Variants in PLCL1 observed in about 807,000 individuals in gnomAD.
PLCL1 encodes the protein inactive phospholipase C-like protein 1.
PLCL1 carries 41 observed loss-of-function variants against 84.4 expected under a neutral mutation model. The observed-to-expected ratio is 0.49, with a 90% CI of 0.38 to 0.63. PLCL1 has a LOEUF of 0.63. Among genes scored for constraint, PLCL1 ranks in the 30% least tolerant of loss-of-function variants. The pLI is 0.00. For missense variants in PLCL1, 1,206 were observed against 1,367.8 expected (o/e 0.88, Z 1.87); for synonymous variants, 490 against 488.3 (o/e 1.00, Z -0.05).
Position 198,085,630 on chromosome 2 carries a change from T to G in PLCL1, c.2113T>G (p.Ser705Ala). Residue 705 changes from serine to alanine, a missense_variant, in exon 2 of 6, where the codon TCT (serine) becomes GCT (alanine). Transcript: ENST00000428675. This position sits in a 1 kb window ranked among gnomAD's most constrained non-coding sequence, Gnocchi z 5.3. ...GCCGTCTATAATGCGAGATGAAGTTTCTTACTTCAGCGCAAATACAAAGGG... is the reference window on the plus strand; with the variant it reads ...GCCGTCTATAATGCGAGATGAAGTTGCTTACTTCAGCGCAAATACAAAGGG... ...LRPSIMRDEV[S>A]YFSANTKGIL... 1.2e-6 allele frequency: 2 copies of G among 1,613,856 alleles called. No homozygotes were observed. The highest frequency in any genetic ancestry group is 1.7e-6 in the Non-Finnish European group (2 of 1,179,736).
intron 1 of PLCL1, among the ~76,000 whole-genome samples, chr2:197,842,152 C>A (rs1449010758): frequency 6.6e-6 from 1 of 152,070 alleles, no homozygotes; most frequent in African/African-American, 2.4e-5. Context: ...TTTTCTTTAT[C>A]ATTCCTCCTA....
chr2:197,920,860 A>T (rs1688687196), intron 1 of PLCL1, among the ~76,000 whole-genome samples: 1 of 152,262 alleles, frequency 6.6e-6, no homozygotes, highest in Non-Finnish European at 1.5e-5. Context: ...ATTTATGAGC[A>T]AGTTAATTTC....
At chr2:197,858,055 G>A (rs1438728623) in intron 1 of PLCL1, among the ~76,000 whole-genome samples, 1 of 152,162 alleles carries the variant, frequency 6.6e-6, no homozygotes, top group Non-Finnish European at 1.5e-5. Flanking sequence ...ACTTAGATAG[G>A]TTTTGCAGTG....
intron 1 of PLCL1, among the ~76,000 whole-genome samples, chr2:197,839,883 A>G (rs912197873): frequency 2.0e-5 from 3 of 152,108 alleles, no homozygotes; most frequent in Non-Finnish European, 4.4e-5. Flanking sequence ...CTTCCTTTTC[A>G]TTTCTTTTGT....
intron 5 of PLCL1, among the ~76,000 whole-genome samples, chr2:198,127,927 C>T (rs111692049): frequency 2.0e-5 from 3 of 151,758 alleles, no homozygotes; most frequent in African/African-American, 7.3e-5. Context: ...GATTTACTTA[C>T]ATATAAATTT....
At chr2:198,043,654 T>C (rs1270037356) in intron 1 of PLCL1, among the ~76,000 whole-genome samples, 3 of 152,104 alleles carry the variant, frequency 2.0e-5, no homozygotes, top group Non-Finnish European at 2.9e-5. Flanking sequence ...TCTAGAACAA[T>C]GCTCCTGGAG....
intron 1 of PLCL1, among the ~76,000 whole-genome samples, chr2:197,852,471 A>G (rs1422342550): frequency 6.6e-6 from 1 of 152,234 alleles, no homozygotes; most frequent in African/African-American, 2.4e-5. Flanking sequence ...GGAAGCACTT[A>G]ATATGCTCAT....
intron 1 of PLCL1, among the ~76,000 whole-genome samples, chr2:197,897,355 G>C (rs1407071525): frequency 6.6e-6 from 1 of 151,786 alleles, no homozygotes; most frequent in African/African-American, 2.4e-5. Context: ...TAATGAATTT[G>C]CATTATTGTA....
intron 1 of PLCL1, among the ~76,000 whole-genome samples, chr2:198,009,499 G>A (rs573673635): frequency 2.6e-5 from 4 of 152,042 alleles, no homozygotes; most frequent in African/African-American, 9.6e-5. Flanking sequence ...GGTCATATAT[G>A]CAGTGGTTTA....
chr2:198,084,653 A>G lies in PLCL1; in HGVS notation c.1136A>G (p.Gln379Arg), dbSNP rs766846507. Residue 379 changes from glutamine (Q) to arginine (R), a missense_variant, in exon 2 of 6, where the codon CAG (glutamine) becomes CGG (arginine). By Grantham distance (43) the Gln-to-Arg change is conservative. Coordinates refer to ENST00000428675, the MANE Select transcript of PLCL1 (RefSeq NM_006226.4). ...KGFLAIDGFT[Q>R]YLLSSECDIF... Reference sequence around the variant, plus strand: ...TTTCTTGCAATTGATGGCTTTACCCAGTATTTATTGTCATCAGAATGTGAC... The same window carrying G: ...TTTCTTGCAATTGATGGCTTTACCCGGTATTTATTGTCATCAGAATGTGAC... 3.7e-6 allele frequency: 6 copies of G among 1,613,938 alleles called. No individual in the cohort carries two copies. The East Asian group carries it at 8.9e-5, about 24-fold the overall frequency.
chr2:197,940,050 A>C (rs1689128208), intron 1 of PLCL1, among the ~76,000 whole-genome samples: 1 of 152,272 alleles, frequency 6.6e-6, no homozygotes, highest in South Asian at 2.1e-4. Context: ...TCACTGCACT[A>C]ATATGTGTTT....
At chr2:197,881,134 A>C (rs1390600821) in intron 1 of PLCL1, among the ~76,000 whole-genome samples, 4 of 152,118 alleles carry the variant, frequency 2.6e-5, no homozygotes, top group Admixed American at 2.6e-4. Flanking sequence ...CTCCTAACAC[A>C]GTTCTTGGCA....
chr2:197,930,671 C>A (rs984830151), intron 1 of PLCL1, among the ~76,000 whole-genome samples: 2 of 152,066 alleles, frequency 1.3e-5, no homozygotes, highest in African/African-American at 2.4e-5. Flanking sequence ...GCCTTCTGAG[C>A]TGCAACACAC....
intron 1 of PLCL1, among the ~76,000 whole-genome samples, chr2:197,824,508 C>T (rs1435081085): frequency 6.6e-6 from 1 of 151,782 alleles, no homozygotes; most frequent in African/African-American, 2.4e-5. Flanking sequence ...TAGCCCAGGA[C>T]CTCAAGAGCA....
chr2:198,050,547 A>G (rs1453286261), intron 1 of PLCL1, among the ~76,000 whole-genome samples: 1 of 152,092 alleles, frequency 6.6e-6, no homozygotes, highest in Non-Finnish European at 1.5e-5. Flanking sequence ...AAAATACACA[A>G]CTTACTAGAA....
intron 5 of PLCL1, among the ~76,000 whole-genome samples, chr2:198,136,686 C>G (rs989473409): frequency 1.3e-5 from 2 of 151,980 alleles, no homozygotes; most frequent in Non-Finnish European, 2.9e-5. Context: ...GTACAGGGGC[C>G]CTGAGAATTG....
chr2:198,133,704 G>A (rs1574336626), intron 5 of PLCL1, among the ~76,000 whole-genome samples: 1 of 152,106 alleles, frequency 6.6e-6, no homozygotes, highest in East Asian at 1.9e-4. Context: ...CTTTCTGAGT[G>A]AGTGGTATTT....
chr2:197,985,538 T>G (rs1690203168), intron 1 of PLCL1, among the ~76,000 whole-genome samples: 1 of 152,146 alleles, frequency 6.6e-6, no homozygotes, highest in Non-Finnish European at 1.5e-5. Context: ...GTAAGTAAAG[T>G]TTTATTGCTA....
intron 1 of PLCL1, among the ~76,000 whole-genome samples, chr2:197,937,280 A>G (rs949207502): frequency 2.0e-5 from 3 of 152,120 alleles, no homozygotes; most frequent in African/African-American, 7.2e-5. Context: ...TCCTTTATGA[A>G]TTTTAGAACT....
Sources: allele counts gnomAD v4.1 joint callset (sites outside exome capture counted in the v4.1 genomes callset), GRCh38; gene constraint gnomAD v4.1.1; non-coding constraint Gnocchi (gnomAD v3.1); transcripts MANE v1.5; gene names NCBI Gene and HGNC (gene_info 2026-07-23, HGNC 2026-07-21).